GALNT12: variants seen among roughly 807,000 people sequenced by gnomAD.
GALNT12 encodes the protein UDP-GalNAc:polypeptide N-acetylgalactosaminyltransferase 12.
In GALNT12, 45 loss-of-function variants were observed where a neutral mutation model predicts 55.5. The observed-to-expected ratio is 0.81, with a 90% CI of 0.64 to 1.04. GALNT12 has a LOEUF of 1.04. GALNT12 is among the 50% of genes least tolerant of loss of function. The probability of loss-of-function intolerance (pLI) is 0.00; values close to 1 mark genes in which losing one functional copy is unlikely to be tolerated. For synonymous variants in GALNT12, 304 were observed against 312.2 expected (o/e 0.97, Z 0.28); for missense variants, 709 against 754.8 (o/e 0.94, Z 0.71).
chr9:98,818,141 A>G (rs951047514), intron 1 of GALNT12, among the ~76,000 whole-genome samples: 18 of 152,364 alleles, frequency 1.2e-4, no homozygotes, highest in African/African-American at 4.3e-4. Context: ...TTCAAAGAAC[A>G]AAGACATTCT....
In GALNT12 at chr9:98,820,842, T is replaced by G. The variant is rs140565745; in HGVS notation, c.372-2414T>G. Among the ~76,000 whole-genome samples the G allele has an allele frequency of 2.4e-3, 369 of 152,342 alleles. 1 individual carries two copies. Among genetic ancestry groups the G allele is most frequent in the African/African-American group, 8.6e-3 (358 of 41,582 alleles). On this transcript the variant is annotated intron_variant, in intron 1 of 9. Coordinates refer to ENST00000375011, the MANE Select transcript of GALNT12 (RefSeq NM_024642.5). ...CTTATTGGTTCATTAAAGAATGTCGTGTCTTCCAACCCAGGGCTGCTTAAC... is the reference window on the plus strand; with the variant it reads ...CTTATTGGTTCATTAAAGAATGTCGGGTCTTCCAACCCAGGGCTGCTTAAC...
chr9:98,823,362 C>G lies in GALNT12; in HGVS notation c.478C>G (p.Leu160Val). 1 of 1,614,130 alleles carries G rather than the reference C, an allele frequency of 6.2e-7. No homozygotes were observed. Among genetic ancestry groups the G allele is most frequent in the Non-Finnish European group, 8.5e-7 (1 of 1,179,970 alleles). ...TCTCCTTCGGACAGTTTACAGTGTC[C>G]TTGAGACATCCCCGGATATCCTGCT... ...STLLRTVYSV[L>V]ETSPDILLEE... Residue 160 changes from leucine (L) to valine (V), a missense_variant, in exon 2 of 10, where the codon CTT (leucine) becomes GTT (valine). Physicochemically the swap from Leu to Val is conservative, Grantham distance 32. Transcript: ENST00000375011.
chr9:98,847,932 T>A (rs374870781), intron 9 of GALNT12, among the ~76,000 whole-genome samples: 250 of 151,230 alleles, frequency 1.7e-3, no homozygotes, highest in African/African-American at 5.8e-3. Flanking sequence ...CCTGTCTCAG[T>A]CTCCTGAGTA....
At position 98,849,521 on chromosome 9, in the gene GALNT12, C is replaced by T; in HGVS notation, c.*429C>T. ...AATCAGGTTCAAGCAACGTACTTTG[C>T]ATTAACTGATAATACCTCAGCTGCG... is the stretch of plus-strand genomic sequence containing the variant. On this transcript the variant is annotated 3_prime_UTR_variant, in exon 10 of 10. Coordinates refer to ENST00000375011, the MANE Select transcript of GALNT12 (RefSeq NM_024642.5). 1 of 488,594 alleles carries T rather than the reference C, an allele frequency of 2.0e-6. No homozygotes were observed. The highest frequency in any genetic ancestry group is 2.0e-5 in the African/African-American group (1 of 50,808). The allele number at this position is 488,594 out of a possible 1,614,324, so 30.3% of individuals were successfully genotyped here. A position where few individuals can be genotyped will look rare whatever the true frequency, so the allele number is the denominator to read the frequency against.
intron 3 of GALNT12, 36 bp from the exon 4 acceptor site, chr9:98,831,736 A>ATC: frequency 1.2e-6 from 2 of 1,612,352 alleles, no homozygotes; most frequent in Non-Finnish European, 1.7e-6. Flanking sequence ...GCCCGTCTGC[A>ATC]TAGGAGAGAC....
intron 2 of GALNT12, among the ~76,000 whole-genome samples, chr9:98,824,596 C>T (rs763685127): frequency 5.9e-5 from 9 of 152,190 alleles, no homozygotes; most frequent in East Asian, 1.9e-4. Flanking sequence ...TCTGTGACAG[C>T]GTGTAAGCCA....
chr9:98,832,376 G>A (rs1836019911), intron 4 of GALNT12, among the ~76,000 whole-genome samples: 1 of 152,060 alleles, frequency 6.6e-6, no homozygotes, highest in South Asian at 2.1e-4. Context: ...AAAATTAGCT[G>A]AGCATGCTAG....
In GALNT12 at chr9:98,833,072, G is replaced by A. The variant is rs116761510; in HGVS notation, c.917+1115G>A. Among the ~76,000 whole-genome samples, 237 of 152,270 alleles carry A rather than the reference G, an allele frequency of 1.6e-3. 1 individual carries two copies. Among genetic ancestry groups the A allele is most frequent in the Admixed American group, 4.1e-3 (63 of 15,294 alleles). ...GGGTGGATCCATGGCAGGTGGAGGA[G>A]TCTGCTCTGGCCAGTGGGTGAGTCA... is the stretch of plus-strand genomic sequence containing the variant. On this transcript the variant is annotated intron_variant, in intron 4 of 9. Coordinates refer to ENST00000375011, the MANE Select transcript of GALNT12 (RefSeq NM_024642.5).
chr9:98,831,748 G>C, intron 3 of GALNT12, 24 bp from the exon 4 acceptor site: 2 of 1,614,098 alleles, frequency 1.2e-6, no homozygotes, highest in Non-Finnish European at 1.7e-6. Context: ...AGGAGAGACG[G>C]ATGGATGTCT....
intron 3 of GALNT12, among the ~76,000 whole-genome samples, chr9:98,831,268 G>A (rs1019795204): frequency 2.0e-5 from 3 of 152,196 alleles, no homozygotes; most frequent in South Asian, 2.1e-4. Flanking sequence ...CCCTCTGAAT[G>A]GATATTATAA....
intron 3 of GALNT12, among the ~76,000 whole-genome samples, chr9:98,828,052 C>G (rs1305153079): frequency 6.6e-6 from 1 of 152,184 alleles, no homozygotes; most frequent in Admixed American, 6.5e-5. Flanking sequence ...CAACCAGAAG[C>G]TCCCCAGGTG....
At position 98,823,361 on chromosome 9, in the gene GALNT12, C is replaced by T. The variant is rs1014512076; in HGVS notation, c.477C>T (p.Val159=). 1.2e-6 allele frequency: 2 copies of T among 1,614,022 alleles called. No homozygotes were observed. The highest frequency in any genetic ancestry group is 3.3e-5 in the Admixed American group (2 of 60,006). Residue 159 remains valine (V), a synonymous_variant, in exon 2 of 10, where the codon GTC becomes GTT. Transcript: ENST00000375011. ...WSTLLRTVYS[V]LETSPDILLE... is the part of the protein sequence containing the mutation. ...CTCTCCTTCGGACAGTTTACAGTGT[C>T]CTTGAGACATCCCCGGATATCCTGC...
At chr9:98,829,849 C>T (rs1394848056) in intron 3 of GALNT12, among the ~76,000 whole-genome samples, 1 of 152,086 alleles carries the variant, frequency 6.6e-6, no homozygotes, top group Non-Finnish European at 1.5e-5. Flanking sequence ...GTATATGTAC[C>T]ACATATCCTT....
chr9:98,844,170 G>T lies in GALNT12; in HGVS notation c.1419G>T (p.Gln473His). Residue 473 changes from glutamine (Q) to histidine (H), a missense_variant, in exon 8 of 10, where the codon CAG (glutamine) becomes CAT (histidine). Coordinates refer to ENST00000375011, the MANE Select transcript of GALNT12 (RefSeq NM_024642.5). Reference protein sequence around the residue: ...PPDENQIVGHQVILYLCHGMG... With the variant: ...PPDENQIVGHHVILYLCHGMG... ...ATGAAAACCAGATTGTGGGACACCA[G>T]GTCATTCTGTACCTCTGTCATGGGA... 6.2e-7 allele frequency: 1 copy of T among 1,613,800 alleles called. No homozygotes were observed. The highest frequency in any genetic ancestry group is 8.5e-7 in the Non-Finnish European group (1 of 1,179,694).
intron 3 of GALNT12, among the ~76,000 whole-genome samples, chr9:98,829,617 A>G (rs1224149179): frequency 6.6e-6 from 1 of 151,938 alleles, no homozygotes; most frequent in Non-Finnish European, 1.5e-5. Context: ...CACTCCCCCA[A>G]CCAACTACCC....
At chr9:98,830,506 G>A (rs1354882072) in intron 3 of GALNT12, among the ~76,000 whole-genome samples, 1 of 152,204 alleles carries the variant, frequency 6.6e-6, no homozygotes, top group Non-Finnish European at 1.5e-5. Context: ...TGCTGGTACA[G>A]CATTCCCCTA....
chr9:98,843,821 A>G (rs1204175804), intron 7 of GALNT12, among the ~76,000 whole-genome samples: 1 of 152,200 alleles, frequency 6.6e-6, no homozygotes, highest in Non-Finnish European at 1.5e-5. Flanking sequence ...GGCTGCTACT[A>G]ATGAGAAAGA....
chr9:98,839,442 A>C (rs1487462118), intron 6 of GALNT12, among the ~76,000 whole-genome samples: 1 of 152,248 alleles, frequency 6.6e-6, no homozygotes, highest in African/African-American at 2.4e-5. Flanking sequence ...TTAATTATTC[A>C]AAAGCTCTCA....
intron 9 of GALNT12, among the ~76,000 whole-genome samples, chr9:98,848,405 G>A (rs189595895): frequency 6.6e-6 from 1 of 152,284 alleles, no homozygotes; most frequent in East Asian, 1.9e-4. Context: ...AGAAGCAGGA[G>A]GTCATTAAAG....
Sources: allele counts gnomAD v4.1 joint callset (sites outside exome capture counted in the v4.1 genomes callset), GRCh38; gene constraint gnomAD v4.1.1; transcripts MANE v1.5; gene names NCBI Gene and HGNC (gene_info 2026-07-23, HGNC 2026-07-21).